Variants in ACTA2 observed in about 807,000 individuals in gnomAD.
ACTA2 encodes actin alpha 2, smooth muscle, also known as actin, aortic smooth muscle.
A neutral mutation model predicts 39.5 loss-of-function variants in ACTA2; 12 were observed. The observed-to-expected ratio is 0.30, with a 90% CI of 0.19 to 0.49. The LOEUF is 0.49. ACTA2 is among the 20% of genes least tolerant of loss of function. The pLI, the probability that ACTA2 is intolerant of heterozygous loss-of-function variation, is 0.99. For synonymous variants in ACTA2, 158 were observed against 180.6 expected, an observed-to-expected ratio of 0.88 and a Z score of 1.00; for missense variants, 236 against 498.8, an observed-to-expected ratio of 0.47 and a Z score of 5.02.
chr10:88,955,026 AAAAAAAAG>A (rs1846113284), upstream of ACTA2, among the ~76,000 whole-genome samples: 2 of 151,524 alleles, frequency 1.3e-5, no homozygotes, highest in South Asian at 2.1e-4. Context: ...CAAAAAAAAA[AAAAAAAAG>A]AAGAAGAAGG....
At chr10:88,974,728 A>G (rs1382546577) in intron 1 of ACTA2, 2 of 152,186 alleles carry the variant, frequency 1.3e-5, no homozygotes, top group Non-Finnish European at 2.9e-5. Flanking sequence ...TTCACTTAAG[A>G]CTTTGTTTGA....
chr10:88,964,273 A>G (rs1846284195), intron 1 of ACTA2, among the ~76,000 whole-genome samples: 1 of 152,204 alleles, frequency 6.6e-6, no homozygotes, highest in Non-Finnish European at 1.5e-5. Context: ...GTTTATTAAC[A>G]AATAGGCTTC....
intron 1 of ACTA2, among the ~76,000 whole-genome samples, chr10:88,969,031 T>A (rs573040838): frequency 6.6e-6 from 1 of 152,228 alleles, no homozygotes; most frequent in South Asian, 2.1e-4. Context: ...AAGATCCTCC[T>A]AAATAAGAAG....
rs1350332195 is a variant in ACTA2, at chr10:88,947,312, G to A, written c.204C>T (p.Thr68=). ...DEAQSKRGIL[T]LKYPIEHGII... ...TGCCATGTTCTATCGGGTACTTCAGGGTCAGGATTCCTCTTTTGCTCTGTG... is the reference window on the plus strand; with the variant it reads ...TGCCATGTTCTATCGGGTACTTCAGAGTCAGGATTCCTCTTTTGCTCTGTG... The change falls in exon 3 of 9, where the codon ACC becomes ACT. Residue 68 remains threonine, a synonymous_variant. Transcript: ENST00000224784. 1 of 1,613,838 alleles carries A rather than the reference G, an allele frequency of 6.2e-7. No individual in the cohort carries two copies. Among genetic ancestry groups the A allele is most frequent in the Non-Finnish European group, 8.5e-7 (1 of 1,179,908 alleles).
chr10:88,973,233 C>A, intron 1 of ACTA2: 1 of 1,612,482 alleles, frequency 6.2e-7, no homozygotes, highest in South Asian at 1.1e-5. Context: ...GGAGATGGAG[C>A]CCCTGAAAAT....
intron 1 of ACTA2, among the ~76,000 whole-genome samples, chr10:88,970,343 C>G (rs1846405464): frequency 6.6e-6 from 1 of 152,140 alleles, no homozygotes; most frequent in South Asian, 2.1e-4. Flanking sequence ...GATTGTCTGT[C>G]CTCTTCGCTG....
chr10:88,974,819 A>G (rs558774386), intron 1 of ACTA2: 1 of 152,342 alleles, frequency 6.6e-6, no homozygotes, highest in East Asian at 1.9e-4. Flanking sequence ...GCCAAAAAAT[A>G]TGTGGAACGT....
chr10:88,956,480 G>C (rs111355665), upstream of ACTA2, among the ~76,000 whole-genome samples: 570 of 152,286 alleles, frequency 3.7e-3, 5 homozygotes, highest in African/African-American at 0.013. Flanking sequence ...ATCGAGGATA[G>C]TTCAACATAA....
At position 88,962,912 on chromosome 10, in the gene ACTA2, CATATATATATATATATATAT is replaced by C. The variant is rs60878394; in HGVS notation, c.-23-13979_-23-13960del. On this transcript the variant is annotated intron_variant, in intron 1 of 4. Transcript: ENST00000415557. ...AGAGAGTGAGTGCAGGGGAATGCCC[CATATATATATATATATATAT>C]ATATATATATATATATATATATATA... is the stretch of plus-strand genomic sequence containing the variant. 1.2e-3 allele frequency among the ~76,000 whole-genome samples: 123 copies of C among 101,582 alleles called. 1 individual carries two copies. The highest frequency in any genetic ancestry group is 6.9e-3 in the East Asian group (14 of 2,020). The allele number at this position is 101,582 out of a possible 152,430, so 66.6% of individuals were successfully genotyped here. A position where few individuals can be genotyped will look rare whatever the true frequency, so the allele number is the denominator to read the frequency against.
chr10:88,960,040 TGACTA>T (rs1846201752), intron 1 of ACTA2, among the ~76,000 whole-genome samples: 2 of 152,202 alleles, frequency 1.3e-5, no homozygotes, highest in African/African-American at 4.8e-5. Flanking sequence ...CTTAATCACT[TGACTA>T]ATGTTTGCCA....
chr10:88,981,162 G>A (rs1360853101), intron 1 of ACTA2, among the ~76,000 whole-genome samples: 1 of 152,200 alleles, frequency 6.6e-6, no homozygotes, highest in African/African-American at 2.4e-5. Flanking sequence ...GGAGCCTCCA[G>A]ACCTGTGTCC....
chr10:88,947,804 A>C (rs1845978413), intron 2 of ACTA2, among the ~76,000 whole-genome samples: 1 of 152,206 alleles, frequency 6.6e-6, no homozygotes, highest in Admixed American at 6.5e-5. Flanking sequence ...AATCCTTTAA[A>C]CTGTACTTTT....
At chr10:88,960,393 T>C (rs933578372) in intron 1 of ACTA2, among the ~76,000 whole-genome samples, 1 of 152,160 alleles carries the variant, frequency 6.6e-6, no homozygotes, top group Non-Finnish European at 1.5e-5. Context: ...TAGTCACTTA[T>C]TTAGTCTAGA....
rs1060500132 is a variant in ACTA2 at position 88,947,313 on chromosome 10, G to A, written c.203C>T (p.Thr68Ile). 2 of 1,613,810 alleles carry A rather than the reference G, an allele frequency of 1.2e-6. No homozygotes were observed. Among genetic ancestry groups the A allele is most frequent in the Non-Finnish European group, 1.7e-6 (2 of 1,179,916 alleles). ...DEAQSKRGILTLKYPIEHGII... is the reference protein window; with the variant it reads ...DEAQSKRGILILKYPIEHGII... ...GCCATGTTCTATCGGGTACTTCAGG[G>A]TCAGGATTCCTCTTTTGCTCTGTGC... Residue 68 changes from threonine to isoleucine, a missense_variant, in exon 3 of 9, where the codon ACC becomes ATC. Coordinates refer to ENST00000224784, the MANE Select transcript of ACTA2 (RefSeq NM_001613.4).
chr10:88,955,034 G>GAAAAAAAAAAAAAAAAAAAAAAAAAAA, upstream of ACTA2, among the ~76,000 whole-genome samples: 2 of 137,074 alleles, frequency 1.5e-5, no homozygotes, highest in Non-Finnish European at 3.1e-5. Flanking sequence ...AAAAAAAAAA[G>GAAAAAAAAAAAAAAAAAAAAAAAAAAA]AAGAAGAAGG....
intron 1 of ACTA2, among the ~76,000 whole-genome samples, chr10:88,949,753 A>G (rs76704660): frequency 0.089 from 13,531 of 152,252 alleles, 770 homozygotes; most frequent in South Asian, 0.28. Context: ...AGAAAAAGTA[A>G]CATTGTAAAT....
chr10:88,979,878 G>A (rs1005492672), intron 1 of ACTA2, among the ~76,000 whole-genome samples: 3 of 151,406 alleles, frequency 2.0e-5, no homozygotes, highest in Admixed American at 6.6e-5. Flanking sequence ...CATGTGTAAA[G>A]CACCTACAAA....
intron 1 of ACTA2, among the ~76,000 whole-genome samples, chr10:88,978,580 T>C (rs1292972421): frequency 6.6e-6 from 1 of 152,104 alleles, no homozygotes; most frequent in Non-Finnish European, 1.5e-5. Context: ...TCTGTTCTAT[T>C]GAAAGCCAAT....
chr10:88,988,386 CA>C (rs971804918), intron 1 of ACTA2, among the ~76,000 whole-genome samples: 1 of 142,484 alleles, frequency 7.0e-6, no homozygotes, highest in Admixed American at 7.1e-5. Flanking sequence ...GGGAAAAGAA[CA>C]AAAGTCTTAG....
Sources: allele counts gnomAD v4.1 joint callset (sites outside exome capture counted in the v4.1 genomes callset), GRCh38; gene constraint gnomAD v4.1.1; transcripts MANE v1.5; gene names NCBI Gene and HGNC (gene_info 2026-07-23, HGNC 2026-07-21).